RP9: variants seen among roughly 807,000 people sequenced by gnomAD.
The protein encoded by RP9 is RP9 pre-mRNA splicing factor, also known as retinitis pigmentosa 9 protein.
A neutral mutation model predicts 32.6 loss-of-function variants in RP9; 23 were observed. That is an observed-to-expected ratio of 0.71 (90% confidence interval 0.51 to 1.00). The LOEUF is 1.00. Ranked by LOEUF, RP9 falls within the 50% of genes least tolerant of loss-of-function variation. The pLI is 0.00. For missense variants in RP9, 245 were observed against 285.3 expected, an observed-to-expected ratio of 0.86 and a Z score of 1.02; for synonymous variants, 94 against 103.6, an observed-to-expected ratio of 0.91 and a Z score of 0.56.
Position 33,100,576 on chromosome 7 carries a change from A to G in RP9, c.153-15T>C, listed in dbSNP as rs769508310. 6.2e-7 allele frequency: 1 copy of G among 1,610,986 alleles called. No homozygotes were observed. The highest frequency in any genetic ancestry group is 1.1e-5 in the South Asian group (1 of 91,006). ...GTTTTTCGTAACTGGAAAACAAAAA[A>G]CAAAACCTTATCAACCATGTTAATG... On this transcript the variant is annotated splice_polypyrimidine_tract_variant and intron_variant, in intron 1 of 5. Transcript: ENST00000297157.
chr7:33,095,639 TTC>T (rs1167375683), intron 5 of RP9, among the ~76,000 whole-genome samples: 2 of 152,244 alleles, frequency 1.3e-5, no homozygotes, highest in African/African-American at 4.8e-5. Context: ...CCACTTTGTA[TTC>T]TTTTTATTGT....
At chr7:33,100,362 C>T in intron 2 of RP9, 169 bp downstream of exon 2, 2 of 692,848 alleles carry the variant, frequency 2.9e-6, no homozygotes, top group East Asian at 5.4e-5. Context: ...TCTGCAAAGG[C>T]AGAGGCTTGT....
intron 1 of RP9, among the ~76,000 whole-genome samples, chr7:33,105,404 C>G (rs1024316958): frequency 1.3e-5 from 2 of 152,136 alleles, no homozygotes; most frequent in Non-Finnish European, 2.9e-5. Flanking sequence ...CAGAATTCCT[C>G]TTTTCCACAA....
At chr7:33,095,830 A>AT (rs1171460423) in intron 5 of RP9, among the ~76,000 whole-genome samples, 2 of 151,532 alleles carry the variant, frequency 1.3e-5, no homozygotes, top group Non-Finnish European at 2.9e-5. Context: ...ATCATGTCTA[A>AT]TTTTTTTCTT....
intron 1 of RP9, among the ~76,000 whole-genome samples, chr7:33,101,576 T>G (rs989405722): frequency 2.7e-5 from 4 of 149,464 alleles, no homozygotes; most frequent in African/African-American, 1.0e-4. Context: ...CACTCCAGCC[T>G]GGGAGACAGA....
At chr7:33,104,864 A>T (rs1381379054) in intron 1 of RP9, among the ~76,000 whole-genome samples, 1 of 152,166 alleles carries the variant, frequency 6.6e-6, no homozygotes. Flanking sequence ...TACAGGTGTG[A>T]GCCAGCATGC....
intron 1 of RP9, among the ~76,000 whole-genome samples, chr7:33,103,903 C>T (rs933412375): frequency 2.6e-5 from 4 of 151,784 alleles, no homozygotes; most frequent in South Asian, 2.1e-4. Flanking sequence ...AAATGTAAGA[C>T]AGCAATCAAA....
At chr7:33,096,720 A>G (rs1276093102) in intron 4 of RP9, among the ~76,000 whole-genome samples, 166 bp from the exon 5 acceptor site, 2 of 152,188 alleles carry the variant, frequency 1.3e-5, no homozygotes, top group Non-Finnish European at 2.9e-5. Context: ...CATTAAGGCT[A>G]AAAAATGGAT....
rs1238662307 is a variant in RP9, at chr7:33,109,372, T to TGTCA, written c.-4_-1dup. 1 of 1,390,786 alleles carries TGTCA rather than the reference T, an allele frequency of 7.2e-7. No homozygotes were observed. Among genetic ancestry groups the TGTCA allele is most frequent in the Admixed American group, 2.8e-5 (1 of 35,412 alleles). The allele number at this position is 1,390,786 out of a possible 1,614,324, so 86.2% of individuals were successfully genotyped here. A position where few individuals can be genotyped will look rare whatever the true frequency, so the allele number is the denominator to read the frequency against. ...TCCTCGCGCCCAGGCCGGGACGACA[T>TGTCA]GTCAGCCCCCGCAGCGCCGCTCGGG... On this transcript the variant is annotated 5_prime_UTR_variant, in exon 1 of 6. Coordinates refer to ENST00000297157, the MANE Select transcript of RP9 (RefSeq NM_203288.2). The surrounding 1 kb of genome is among the most constrained non-coding windows in gnomAD (Gnocchi z 4.9).
chr7:33,097,025 G>GA (rs1238424120), intron 4 of RP9, among the ~76,000 whole-genome samples: 1 of 151,902 alleles, frequency 6.6e-6, no homozygotes, highest in Non-Finnish European at 1.5e-5. Context: ...GTCTGTTTCA[G>GA]AAAAAAAATC....
chr7:33,104,081 TATAAC>T (rs1485406984), intron 1 of RP9, among the ~76,000 whole-genome samples: 1 of 151,812 alleles, frequency 6.6e-6, no homozygotes, highest in Non-Finnish European at 1.5e-5. Context: ...GATTTAGAAA[TATAAC>T]AAATATGTTT....
At chr7:33,099,555 T>A in intron 2 of RP9, 119 bp from the exon 3 acceptor site, 1 of 1,065,480 alleles carries the variant, frequency 9.4e-7, no homozygotes, top group Non-Finnish European at 1.4e-6. Context: ...TCATCTTAGT[T>A]ACCCCTCAAA....
chr7:33,100,829 CAA>C (rs1249333006), intron 1 of RP9: 2 of 614,176 alleles, frequency 3.3e-6, no homozygotes, highest in Non-Finnish European at 6.2e-6. Context: ...GCTGAGCACG[CAA>C]GTCTCCAGAT....
chr7:33,109,240 G>C lies in RP9; in HGVS notation c.133C>G (p.Leu45Val). The change falls in exon 1 of 6, where the codon CTC (leucine) becomes GTC (valine). Residue 45 changes from leucine to valine, a missense_variant. Leu to Val is a conservative substitution (Grantham distance 32, BLOSUM62 1). This residue lies in a region of RP9 where 182 missense variants were observed against 175.5 expected (regional missense o/e 1.04). Transcript: ENST00000297157. The surrounding 1 kb of genome is among the most constrained non-coding windows in gnomAD (Gnocchi z 4.9). ...ACTCACAAGGACTCCAGGTGCTTGA[G>C]CTGCTGCAGCTGCTGCGCGTCGTGT... ...RRHDAQQLQQ[L>V]KHLESFYEKP... The C allele has an allele frequency of 6.7e-7, 1 of 1,496,476 alleles. No homozygotes were observed. The highest frequency in any genetic ancestry group is 8.9e-7 in the Non-Finnish European group (1 of 1,125,776). The allele number at this position is 1,496,476 out of a possible 1,614,324, so 92.7% of individuals were successfully genotyped here.
intron 1 of RP9, among the ~76,000 whole-genome samples, chr7:33,102,771 G>T (rs937647819): frequency 5.3e-5 from 8 of 152,218 alleles, no homozygotes; most frequent in Non-Finnish European, 1.0e-4. Flanking sequence ...GGGGCTGCGT[G>T]GCAGAGGTGA....
intron 1 of RP9, among the ~76,000 whole-genome samples, chr7:33,105,115 G>C (rs1050052385): frequency 1.3e-5 from 2 of 152,126 alleles, no homozygotes; most frequent in Non-Finnish European, 2.9e-5. Context: ...GATGCCCTAG[G>C]ACCACTGCTG....
chr7:33,101,139 C>T (rs1309600776), intron 1 of RP9, among the ~76,000 whole-genome samples: 1 of 151,946 alleles, frequency 6.6e-6, no homozygotes, highest in Non-Finnish European at 1.5e-5. Flanking sequence ...CACCATGACA[C>T]CTGGCTCTCT....
intron 1 of RP9, among the ~76,000 whole-genome samples, chr7:33,101,952 A>G (rs1788432517): frequency 6.6e-6 from 1 of 152,252 alleles, no homozygotes; most frequent in Non-Finnish European, 1.5e-5. Flanking sequence ...AGTAAAGTCT[A>G]TAAATCCAAA....
intron 1 of RP9, among the ~76,000 whole-genome samples, chr7:33,104,810 G>A (rs750843875): frequency 2.6e-5 from 4 of 152,130 alleles, no homozygotes; most frequent in Admixed American, 6.5e-5. Context: ...TGAACTCTTG[G>A]CTTCAAATGA....
Sources: allele counts gnomAD v4.1 joint callset (sites outside exome capture counted in the v4.1 genomes callset), GRCh38; gene constraint gnomAD v4.1.1; regional missense constraint gnomAD v4.1.1; non-coding constraint Gnocchi (gnomAD v3.1); transcripts MANE v1.5; gene names NCBI Gene and HGNC (gene_info 2026-07-23, HGNC 2026-07-21).